Variants in ALPK2 observed in about 807,000 individuals in gnomAD.
ALPK2 encodes alpha-protein kinase 2.
Under a neutral mutation model 163.1 loss-of-function variants are expected in ALPK2, and 127 were observed. That is an observed-to-expected ratio of 0.78 (90% CI 0.67 to 0.90). ALPK2 has a LOEUF of 0.90. Ranked by LOEUF, ALPK2 falls within the 40% of genes least tolerant of loss-of-function variation. The pLI is 0.00. For synonymous variants in ALPK2, 953 were observed against 959.1 expected (o/e 0.99, Z 0.12); for missense variants, 2,360 against 2,589.6 (o/e 0.91, Z 1.92).
chr18:58,538,847 C>A (rs1012804245), intron 4 of ALPK2, among the ~76,000 whole-genome samples: 1 of 152,064 alleles, frequency 6.6e-6, no homozygotes, highest in Admixed American at 6.6e-5. Context: ...TGAGTGAGTT[C>A]TCAATCTATT....
At chr18:58,513,486 T>C (rs1161366377) in intron 10 of ALPK2, among the ~76,000 whole-genome samples, 1 of 152,212 alleles carries the variant, frequency 6.6e-6, no homozygotes, top group African/African-American at 2.4e-5. Flanking sequence ...GTGATGCTAA[T>C]GCAGCAAATG....
At chr18:58,520,081 G>A (rs928119176) in intron 8 of ALPK2, among the ~76,000 whole-genome samples, 1 of 152,088 alleles carries the variant, frequency 6.6e-6, no homozygotes, top group East Asian at 1.9e-4. Context: ...CCGTTGCCAG[G>A]ACTCACACTC....
intron 3 of ALPK2, among the ~76,000 whole-genome samples, chr18:58,605,187 A>G (rs2052091570): frequency 6.6e-6 from 1 of 152,216 alleles, no homozygotes; most frequent in Non-Finnish European, 1.5e-5. Context: ...CCCGCAGGCC[A>G]AATCTGGTCC....
chr18:58,515,751 A>G (rs1300123514), intron 9 of ALPK2, among the ~76,000 whole-genome samples: 1 of 152,244 alleles, frequency 6.6e-6, no homozygotes, highest in African/African-American at 2.4e-5. Flanking sequence ...CAGGATCACG[A>G]TGCTTAATGC....
chr18:58,545,836 AC>A (rs1260239202), intron 4 of ALPK2, among the ~76,000 whole-genome samples: 1 of 152,042 alleles, frequency 6.6e-6, no homozygotes, highest in East Asian at 1.9e-4. Context: ...TTTAAATGAG[AC>A]CTTCCCCTCT....
intron 9 of ALPK2, among the ~76,000 whole-genome samples, chr18:58,515,876 A>C (rs2144125077): frequency 6.6e-6 from 1 of 152,306 alleles, no homozygotes; most frequent in East Asian, 1.9e-4. Flanking sequence ...GAGCTGGTGA[A>C]AGACCCAACT....
intron 1 of ALPK2, among the ~76,000 whole-genome samples, chr18:58,627,212 G>A (rs1299441413): frequency 6.6e-6 from 1 of 152,186 alleles, no homozygotes; most frequent in African/African-American, 2.4e-5. Context: ...TCAGGAGGCT[G>A]TTAAAAACTC....
At position 58,537,589 on chromosome 18, in the gene ALPK2, T is replaced by G; in HGVS notation, c.2598A>C (p.Thr866=). Residue 866 remains threonine (T), a synonymous_variant, in exon 5 of 13, where the codon ACA becomes ACC. Transcript: ENST00000361673. The part of the protein sequence containing the change: ...NDKTLEVFFQ[T]QVSETSVSTC... ...TAGACACTGAAGTCTCAGACACTTG[T>G]GTCTGAAAAAAGACTTCCAGTGTCT... The G allele has an allele frequency of 6.2e-7, 1 of 1,613,880 alleles. No homozygotes were observed. The highest frequency in any genetic ancestry group is 8.5e-7 in the Non-Finnish European group (1 of 1,179,798).
chr18:58,560,149 A>T lies in ALPK2; in HGVS notation c.1962+18665T>A, dbSNP rs1407483462. ...GGACCCAGTGGGAGGTGACTGAATT[A>T]TGGGGGCAGTTCTTTCCCGCACCGT... On this transcript the variant is annotated intron_variant, in intron 4 of 12. Coordinates refer to ENST00000361673, the MANE Select transcript of ALPK2 (RefSeq NM_052947.4). Among the ~76,000 whole-genome samples the T allele has an allele frequency of 2.0e-5, 3 of 152,282 alleles. No individual in the cohort carries two copies. In the East Asian group the frequency reaches 5.8e-4, roughly 29 times the overall value.
At chr18:58,621,517 C>A (rs980624194) in intron 1 of ALPK2, among the ~76,000 whole-genome samples, 1 of 152,150 alleles carries the variant, frequency 6.6e-6, no homozygotes, top group Non-Finnish European at 1.5e-5. Context: ...GTGATCCGCC[C>A]GCCTCGGCCT....
intron 11 of ALPK2, among the ~76,000 whole-genome samples, chr18:58,501,440 T>A (rs2051430926): frequency 6.6e-6 from 1 of 152,250 alleles, no homozygotes; most frequent in Non-Finnish European, 1.5e-5. Context: ...AAGTCTGACT[T>A]AAATTTGCAG....
intron 3 of ALPK2, among the ~76,000 whole-genome samples, chr18:58,595,793 C>T (rs963238479): frequency 6.6e-6 from 1 of 152,160 alleles, no homozygotes; most frequent in East Asian, 1.9e-4. Flanking sequence ...AAAATGCACA[C>T]GAATCACTTG....
chr18:58,589,304 A>G (rs1057509219), intron 3 of ALPK2, among the ~76,000 whole-genome samples: 1 of 152,202 alleles, frequency 6.6e-6, no homozygotes, highest in Non-Finnish European at 1.5e-5. Context: ...TGCTTAATAC[A>G]TGGGCCTATG....
chr18:58,494,977 T>A (rs1476638957), intron 12 of ALPK2, among the ~76,000 whole-genome samples: 1 of 152,156 alleles, frequency 6.6e-6, no homozygotes, highest in Admixed American at 6.5e-5. Flanking sequence ...CCGTTCACTT[T>A]GGGGTGCTGA....
At chr18:58,555,797 G>C (rs914086638) in intron 4 of ALPK2, among the ~76,000 whole-genome samples, 3 of 152,138 alleles carry the variant, frequency 2.0e-5, no homozygotes, top group African/African-American at 7.2e-5. Context: ...ACTTGTACAT[G>C]GTTCTAACTG....
chr18:58,553,515 A>G (rs1469441917), intron 4 of ALPK2, among the ~76,000 whole-genome samples: 6 of 152,140 alleles, frequency 3.9e-5, no homozygotes, highest in African/African-American at 4.8e-5. Context: ...TTGTGTCCCC[A>G]CCCAAATCTC....
intron 10 of ALPK2, among the ~76,000 whole-genome samples, chr18:58,509,502 A>T (rs1219553615): frequency 6.6e-6 from 1 of 152,140 alleles, no homozygotes; most frequent in Non-Finnish European, 1.5e-5. Flanking sequence ...TCCCACCAAC[A>T]GTGTAAAAGT....
In ALPK2 at chr18:58,537,355, C is replaced by G; in HGVS notation, c.2832G>C (p.Gln944His). The G allele has an allele frequency of 6.2e-7, 1 of 1,613,978 alleles. No individual in the cohort carries two copies. The highest frequency in any genetic ancestry group is 1.1e-5 in the South Asian group (1 of 91,052). The change falls in exon 5 of 13, where the codon CAG (glutamine) becomes CAC (histidine). Residue 944 changes from glutamine (Q) to histidine (H), a missense_variant. Gln to His is a conservative substitution (Grantham distance 24, BLOSUM62 0). Transcript: ENST00000361673. ...PSNSGGLDETQLLSSENNPLV... is the reference protein window; with the variant it reads ...PSNSGGLDETHLLSSENNPLV... ...AAGGATTGTTCTCAGAAGAAAGGAG[C>G]TGTGTTTCATCAAGCCCTCCTGAGT...
chr18:58,572,539 G>A (rs1402323111), intron 4 of ALPK2, among the ~76,000 whole-genome samples: 1 of 152,090 alleles, frequency 6.6e-6, no homozygotes, highest in Non-Finnish European at 1.5e-5. Flanking sequence ...ATACTACTCA[G>A]CAATAAGAAG....
Sources: gnomAD v4.1 joint callset for allele counts (sites outside exome capture counted in the v4.1 genomes callset) on GRCh38, gnomAD v4.1.1 for gene constraint, MANE v1.5 for transcripts, NCBI Gene and HGNC (gene_info 2026-07-23, HGNC 2026-07-21) for gene names.